The following MAGI1 variants were observed in gnomAD, a reference collection of about 807,000 sequenced individuals.
MAGI1 encodes membrane associated guanylate kinase, WW and PDZ domain containing 1.
In MAGI1, 58 loss-of-function variants were observed where a neutral mutation model predicts 139.9. The ratio of observed to expected loss-of-function variants is 0.41; its 90% CI spans 0.34 to 0.52. The LOEUF (loss-of-function observed/expected upper bound fraction) is 0.52. MAGI1 is among the 20% of genes least tolerant of loss of function. The pLI is 0.12. For synonymous variants in MAGI1, 812 were observed against 737.9 expected (o/e 1.10, Z -1.63); for missense variants, 1,874 against 1,901.6 (o/e 0.99, Z 0.27).
intron 1 of MAGI1, among the ~76,000 whole-genome samples, chr3:65,898,567 T>C (rs72905044): frequency 1.3e-3 from 202 of 152,320 alleles, no homozygotes; most frequent in Middle Eastern, 6.8e-3. Flanking sequence ...AGTAAGTTCA[T>C]GGCTCCTTCA....
rs773417905 is a variant in MAGI1, at chr3:65,430,721, T to C, written c.1524A>G (p.Ala508=). ...IKSLVLDGPA[A]LDGKMETGDV... ...TACCTGTTTCCATCTTGCCATCCAA[T>C]GCAGCAGGACCATCTAGGACCAAGC... is the stretch of plus-strand genomic sequence containing the variant. Residue 508 remains alanine, a synonymous_variant, in exon 11 of 23, where the codon GCA becomes GCG. Coordinates refer to ENST00000402939, the MANE Select transcript of MAGI1 (RefSeq NM_001033057.2). 33 of 1,613,366 alleles carry C rather than the reference T, an allele frequency of 2.0e-5. No homozygotes were observed. Among genetic ancestry groups the C allele is most frequent in the Non-Finnish European group, 2.7e-5 (32 of 1,179,700 alleles).
chr3:65,667,132 C>A (rs542790403), intron 1 of MAGI1, among the ~76,000 whole-genome samples: 28 of 152,290 alleles, frequency 1.8e-4, no homozygotes, highest in African/African-American at 6.0e-4. Flanking sequence ...TAGACACTTT[C>A]ATTTTCAAAA....
chr3:66,021,926 T>C (rs971726298), intron 1 of MAGI1, among the ~76,000 whole-genome samples: 1 of 152,202 alleles, frequency 6.6e-6, no homozygotes, highest in Non-Finnish European at 1.5e-5. Flanking sequence ...AGTTGATGAT[T>C]TTCTTCAAGA....
chr3:65,658,072 T>G (rs776641716), intron 1 of MAGI1, among the ~76,000 whole-genome samples: 3 of 152,208 alleles, frequency 2.0e-5, no homozygotes, highest in Non-Finnish European at 2.9e-5. Context: ...GACTTTAAAA[T>G]GATGTGGAAG....
chr3:65,470,580 T>C, intron 4 of MAGI1, 96 bp from the exon 5 acceptor site: 1 of 711,932 alleles, frequency 1.4e-6, no homozygotes, highest in South Asian at 1.8e-5. Flanking sequence ...TATGCAACTA[T>C]ACACATCTAT....
At chr3:65,414,765 G>A (rs1442474151) in intron 12 of MAGI1, among the ~76,000 whole-genome samples, 1 of 151,790 alleles carries the variant, frequency 6.6e-6, no homozygotes, top group African/African-American at 2.4e-5. Flanking sequence ...TGGGTGTGGT[G>A]GTTCACGCCT....
intron 1 of MAGI1, among the ~76,000 whole-genome samples, chr3:65,933,080 A>AT (rs2062877265): frequency 1.3e-5 from 2 of 152,232 alleles, no homozygotes; most frequent in South Asian, 4.1e-4. Context: ...TTCAATAAGT[A>AT]TTTTGTTTAA....
chr3:65,984,796 C>T (rs1461099748), intron 1 of MAGI1, among the ~76,000 whole-genome samples: 1 of 151,162 alleles, frequency 6.6e-6, no homozygotes, highest in East Asian at 1.9e-4. Flanking sequence ...GATTCTCCAG[C>T]CTCAACGTCC....
At chr3:65,511,290 A>C in intron 2 of MAGI1, among the ~76,000 whole-genome samples, 1 of 149,742 alleles carries the variant, frequency 6.7e-6, no homozygotes, top group Non-Finnish European at 1.5e-5. Context: ...ACAGGATCAA[A>C]TTCACACATA....
At chr3:66,018,118 G>C (rs905041225) in intron 1 of MAGI1, among the ~76,000 whole-genome samples, 4 of 136,518 alleles carry the variant, frequency 2.9e-5, no homozygotes, top group Non-Finnish European at 4.8e-5. Flanking sequence ...TTTGGTGGGG[G>C]GGGGGGGTGT....
chr3:65,668,485 T>C (rs1465818635), intron 1 of MAGI1, among the ~76,000 whole-genome samples: 1 of 151,994 alleles, frequency 6.6e-6, no homozygotes, highest in Non-Finnish European at 1.5e-5. Context: ...AAATATAAAC[T>C]TTATTTCTCA....
At chr3:65,467,051 T>C (rs181676928) in intron 5 of MAGI1, among the ~76,000 whole-genome samples, 55 of 152,332 alleles carry the variant, frequency 3.6e-4, no homozygotes, top group Admixed American at 3.3e-3. Flanking sequence ...GCTGGCTCTT[T>C]AGCTTTAAGT....
chr3:65,611,222 T>C (rs1236657037), intron 2 of MAGI1, among the ~76,000 whole-genome samples: 1 of 141,654 alleles, frequency 7.1e-6, no homozygotes, highest in African/African-American at 2.5e-5. Flanking sequence ...TGTAGTACTA[T>C]ATACTATAGT....
At chr3:65,752,162 TG>T (rs1281833623) in intron 1 of MAGI1, among the ~76,000 whole-genome samples, 1 of 152,154 alleles carries the variant, frequency 6.6e-6, no homozygotes, top group Non-Finnish European at 1.5e-5. Flanking sequence ...TTGTCCAGGC[TG>T]GTTGCAAACT....
At chr3:65,498,821 T>C (rs1413935605) in intron 2 of MAGI1, among the ~76,000 whole-genome samples, 2 of 152,180 alleles carry the variant, frequency 1.3e-5, no homozygotes, top group Non-Finnish European at 2.9e-5. Flanking sequence ...CCAGTGTGAT[T>C]AGGAAACTGA....
At chr3:65,578,026 G>A (rs756916888) in intron 2 of MAGI1, among the ~76,000 whole-genome samples, 3 of 152,094 alleles carry the variant, frequency 2.0e-5, no homozygotes, top group Non-Finnish European at 2.9e-5. Flanking sequence ...AATGCTGTCC[G>A]CCCCTTGGCC....
At chr3:65,377,667 T>C (rs1286872172) in intron 17 of MAGI1, among the ~76,000 whole-genome samples, 4 of 152,226 alleles carry the variant, frequency 2.6e-5, no homozygotes, top group Admixed American at 6.5e-5. Flanking sequence ...ATTTTTATAT[T>C]AAGCAAGAAA....
chr3:65,748,583 C>A (rs1469884691), intron 1 of MAGI1, among the ~76,000 whole-genome samples: 2 of 152,154 alleles, frequency 1.3e-5, no homozygotes, highest in Non-Finnish European at 2.9e-5. Flanking sequence ...TTCACCTGTC[C>A]TTCCATTGTT....
intron 2 of MAGI1, among the ~76,000 whole-genome samples, chr3:65,586,881 G>C (rs1267582658): frequency 2.0e-5 from 3 of 151,980 alleles, no homozygotes; most frequent in African/African-American, 7.2e-5. Flanking sequence ...TTCTGGTATG[G>C]GCGAATGAAG....
Sources: allele counts gnomAD v4.1 joint callset (sites outside exome capture counted in the v4.1 genomes callset), GRCh38; gene constraint gnomAD v4.1.1; transcripts MANE v1.5; gene names NCBI Gene and HGNC (gene_info 2026-07-23, HGNC 2026-07-21).